CCDC191: variants seen among roughly 807,000 people sequenced by gnomAD.
CCDC191 encodes the protein coiled-coil domain-containing protein 191.
A neutral mutation model predicts 114.0 loss-of-function variants in CCDC191; 99 were observed. That is an observed-to-expected ratio of 0.87 (90% CI 0.74 to 1.03). CCDC191 has a LOEUF of 1.03. Ranked by LOEUF, CCDC191 falls within the 50% of genes least tolerant of loss-of-function variation. The pLI is 0.00. For missense variants in CCDC191, 973 were observed against 1,087.0 expected (o/e 0.90, Z 1.47); for synonymous variants, 351 against 376.0 (o/e 0.93, Z 0.77).
At chr3:114,038,216 C>T (rs1219737955) in intron 4 of CCDC191, among the ~76,000 whole-genome samples, 2 of 152,200 alleles carry the variant, frequency 1.3e-5, no homozygotes, top group Non-Finnish European at 2.9e-5. Context: ...TGTTACTGAA[C>T]ATCTTCCTTG....
intron 11 of CCDC191, chr3:114,003,651 G>C: frequency 1.0e-6 from 1 of 985,146 alleles, no homozygotes; most frequent in Non-Finnish European, 1.2e-6. Flanking sequence ...ATACTTAACT[G>C]GGTATTTACT....
At chr3:114,013,717 T>C (rs1006309190) in intron 8 of CCDC191, among the ~76,000 whole-genome samples, 1 of 152,166 alleles carries the variant, frequency 6.6e-6, no homozygotes, top group Admixed American at 6.5e-5. Context: ...TCTGCTCATC[T>C]AAGAATATAA....
In CCDC191 at chr3:114,018,787, C is replaced by T; in HGVS notation, c.1054G>A (p.Asp352Asn). ...AGGACCTTCAGCTGAATCTTCCAGT[C>T]AGACAGGGTCCCAGCTTTCCCCAGC... ...IKLGKAGTLS[D>N]WKIQLKVLRA... Residue 352 changes from aspartate (D) to asparagine (N), a missense_variant, in exon 8 of 17, where the codon GAC becomes AAC. Physicochemically the swap from Asp to Asn is conservative, Grantham distance 23 (BLOSUM62 1). Coordinates refer to ENST00000295878, the MANE Select transcript of CCDC191 (RefSeq NM_020817.2). 6.2e-7 allele frequency: 1 copy of T among 1,613,914 alleles called. No homozygotes were observed. The highest frequency in any genetic ancestry group is 1.1e-5 in the South Asian group (1 of 91,078).
At position 114,005,910 on chromosome 3, in the gene CCDC191, C is replaced by A; in HGVS notation, c.1466G>T (p.Cys489Phe). Residue 489 changes from cysteine (C) to phenylalanine (F), a missense_variant, in exon 10 of 17, where the codon TGT (cysteine) becomes TTT (phenylalanine). Physicochemically the swap from Cys to Phe is radical, Grantham distance 205. Coordinates refer to ENST00000295878, the MANE Select transcript of CCDC191 (RefSeq NM_020817.2). ...TCTTCCCAGGGGAGGACTGAGCATACAACCACTGCTTCCCAAGGGAGGCTT... is the reference window on the plus strand; with the variant it reads ...TCTTCCCAGGGGAGGACTGAGCATAAAACCACTGCTTCCCAAGGGAGGCTT... The part of the protein sequence containing the change: ...WEKPPLGSSG[C>F]MLSPPLGRTT... 1 of 1,614,082 alleles carries A rather than the reference C, an allele frequency of 6.2e-7. No individual in the cohort carries two copies. Among genetic ancestry groups the A allele is most frequent in the Non-Finnish European group, 8.5e-7 (1 of 1,179,974 alleles).
chr3:114,040,949 G>A (rs2076551700), intron 4 of CCDC191, among the ~76,000 whole-genome samples: 2 of 151,566 alleles, frequency 1.3e-5, no homozygotes, highest in African/African-American at 4.9e-5. Context: ...TGTGTCTATT[G>A]AGATAATATG....
chr3:114,036,964 A>G (rs2076493962), intron 4 of CCDC191, 178 bp from the exon 5 acceptor site: 1 of 330,774 alleles, frequency 3.0e-6, no homozygotes, highest in Non-Finnish European at 5.3e-6. Flanking sequence ...CCTTCAACTA[A>G]GAATAAAAAA....
chr3:113,992,188 T>G (rs563411162), intron 13 of CCDC191, among the ~76,000 whole-genome samples: 1 of 152,270 alleles, frequency 6.6e-6, no homozygotes, highest in Admixed American at 6.5e-5. Context: ...TTTCACTTTA[T>G]CTAGGTCACC....
intron 2 of CCDC191, among the ~76,000 whole-genome samples, chr3:114,052,619 G>A (rs770598655): frequency 6.6e-6 from 1 of 152,162 alleles, no homozygotes; most frequent in African/African-American, 2.4e-5. Context: ...ATGAGCTTTA[G>A]TAAGTTGTTT....
intron 13 of CCDC191, among the ~76,000 whole-genome samples, chr3:113,991,230 CAA>C (rs375843277): frequency 1.1e-4 from 9 of 82,520 alleles, no homozygotes; most frequent in Non-Finnish European, 9.2e-5. Flanking sequence ...AGTGAGACTC[CAA>C]AAAAAAAAAA....
chr3:113,979,123 T>C, intron 14 of CCDC191, 113 bp from the exon 15 acceptor site: 3 of 960,402 alleles, frequency 3.1e-6, no homozygotes, highest in Non-Finnish European at 4.7e-6. Context: ...CGGTAGAGAA[T>C]AATCTGAAGG....
intron 3 of CCDC191, among the ~76,000 whole-genome samples, chr3:114,044,401 T>C (rs1466926381): frequency 6.6e-6 from 1 of 152,250 alleles, no homozygotes; most frequent in Admixed American, 6.5e-5. Context: ...AAATGCCTGC[T>C]TTAGCATAGC....
At chr3:114,007,603 G>A (rs567675255) in intron 9 of CCDC191, among the ~76,000 whole-genome samples, 1 of 152,258 alleles carries the variant, frequency 6.6e-6, no homozygotes, top group Non-Finnish European at 1.5e-5. Context: ...CCTGAGTAAA[G>A]CGACAGGGTT....
intron 13 of CCDC191, among the ~76,000 whole-genome samples, chr3:113,989,522 C>T: frequency 6.6e-6 from 1 of 152,052 alleles, no homozygotes; most frequent in East Asian, 1.9e-4. Flanking sequence ...TCTGAAAGTC[C>T]TCAAATATTT....
intron 16 of CCDC191, among the ~76,000 whole-genome samples, chr3:113,966,718 C>T (rs1940211862): frequency 6.6e-6 from 1 of 152,052 alleles, no homozygotes; most frequent in Non-Finnish European, 1.5e-5. Flanking sequence ...GAGGGAGTCC[C>T]AGAATGCACA....
chr3:114,038,439 G>C, intron 4 of CCDC191, among the ~76,000 whole-genome samples: 1 of 152,064 alleles, frequency 6.6e-6, no homozygotes, highest in East Asian at 1.9e-4. Context: ...TGGTGATGCT[G>C]GTATAAACAA....
At chr3:114,011,527 A>T (rs1265881915) in intron 8 of CCDC191, among the ~76,000 whole-genome samples, 1 of 152,236 alleles carries the variant, frequency 6.6e-6, no homozygotes, top group Non-Finnish European at 1.5e-5. Context: ...CTGAGGGTTG[A>T]TCTTGTGAAA....
At chr3:114,028,884 T>C (rs943385332) in intron 7 of CCDC191, among the ~76,000 whole-genome samples, 1 of 151,140 alleles carries the variant, frequency 6.6e-6, no homozygotes, top group African/African-American at 2.4e-5. Context: ...TTAATATGTA[T>C]ACAGATAGAC....
At chr3:114,050,729 A>G (rs773696806) in intron 2 of CCDC191, among the ~76,000 whole-genome samples, 1 of 152,178 alleles carries the variant, frequency 6.6e-6, no homozygotes, top group African/African-American at 2.4e-5. Flanking sequence ...TTATAGGTTG[A>G]CTGCTAGAGG....
At chr3:113,978,632 C>CT in intron 15 of CCDC191, 1 of 596,362 alleles carries the variant, frequency 1.7e-6, no homozygotes, top group Non-Finnish European at 2.9e-6. Flanking sequence ...GGAATGATAA[C>CT]TTACAGTTTA....
Sources: allele counts gnomAD v4.1 joint callset (sites outside exome capture counted in the v4.1 genomes callset), GRCh38; gene constraint gnomAD v4.1.1; transcripts MANE v1.5; gene names NCBI Gene and HGNC (gene_info 2026-07-23, HGNC 2026-07-21).